Variants in GRM1 observed in about 807,000 individuals in gnomAD.
The protein encoded by GRM1 is glutamate metabotropic receptor 1.
GRM1 carries 33 observed loss-of-function variants against 90.9 expected under a neutral mutation model. The ratio of observed to expected loss-of-function variants is 0.36; its 90% CI spans 0.28 to 0.49. GRM1 has a LOEUF of 0.49. GRM1 is among the 20% of genes least tolerant of loss of function. The pLI is 0.99. For synonymous variants in GRM1, 700 were observed against 613.2 expected (o/e 1.14, Z -2.09); for missense variants, 1,190 against 1,534.3 (o/e 0.78, Z 3.75).
At chr6:146,286,880 C>T (rs759847658) in intron 2 of GRM1, among the ~76,000 whole-genome samples, 144 of 152,210 alleles carry the variant, frequency 9.5e-4, no homozygotes, top group Admixed American at 2.9e-3. Flanking sequence ...TAAACAACCT[C>T]AAGTGAAAAT....
At chr6:146,072,197 C>T (rs991024945) in intron 1 of GRM1, among the ~76,000 whole-genome samples, 3 of 152,040 alleles carry the variant, frequency 2.0e-5, no homozygotes, top group African/African-American at 4.8e-5. Flanking sequence ...AAGAATACAC[C>T]CTGAGCCCTG....
At chr6:146,207,985 C>T (rs1164084841) in intron 2 of GRM1, among the ~76,000 whole-genome samples, 3 of 152,136 alleles carry the variant, frequency 2.0e-5, no homozygotes, top group Admixed American at 6.6e-5. Flanking sequence ...CTCCTTTCCC[C>T]TCTTGCAAAA....
chr6:146,434,836 A>T lies in GRM1; in HGVS notation c.*40A>T. The T allele has an allele frequency of 6.6e-7, 1 of 1,512,508 alleles. No individual in the cohort carries two copies. The allele number at this position is 1,512,508 out of a possible 1,614,324, so 93.7% of individuals were successfully genotyped here. A position where few individuals can be genotyped will look rare whatever the true frequency, so the allele number is the denominator to read the frequency against. On this transcript the variant is annotated 3_prime_UTR_variant, in exon 8 of 8. Coordinates refer to ENST00000282753, the MANE Select transcript of GRM1 (RefSeq NM_001278064.2). ...CATAGAAAAGCAAGACAAGCCAGAG[A>T]TCTCCCACACCTCCAGAGATGTGCA...
intron 2 of GRM1, among the ~76,000 whole-genome samples, chr6:146,226,511 G>GT (rs1780244549): frequency 1.3e-5 from 2 of 152,106 alleles, no homozygotes; most frequent in Non-Finnish European, 2.9e-5. Flanking sequence ...TCTGTTGCTT[G>GT]CATATGAAAC....
rs1244975929 is a variant in GRM1, at chr6:146,267,641, CGCTGGGCTGGGCTGGGCTGG to C, written c.951-36946_951-36927del. Among the ~76,000 whole-genome samples, 69 of 54,730 alleles carry C rather than the reference CGCTGGGCTGGGCTGGGCTGG, an allele frequency of 1.3e-3. 1 individual carries two copies. The highest frequency in any genetic ancestry group is 6.9e-3 in the African/African-American group (57 of 8,260). The allele number at this position is 54,730 out of a possible 152,430, so 35.9% of individuals were successfully genotyped here. Reference sequence around the variant, plus strand: ...TGGGAGGCTGGGCTGGGCTGGGCTGCGCTGGGCTGGGCTGGGCTGGGCTGGGCTGGGCTGGGCTGGGCTCG... The same window carrying C: ...TGGGAGGCTGGGCTGGGCTGGGCTGCGCTGGGCTGGGCTGGGCTGGGCTCG... On this transcript the variant is annotated intron_variant, in intron 2 of 7. Transcript: ENST00000282753.
At chr6:146,328,079 T>C (rs1293498672) in intron 3 of GRM1, among the ~76,000 whole-genome samples, 2 of 152,136 alleles carry the variant, frequency 1.3e-5, no homozygotes, top group Non-Finnish European at 2.9e-5. Context: ...TGAAACATAT[T>C]TTCTTTAGCC....
At chr6:146,338,274 T>A (rs1480095306) in intron 3 of GRM1, among the ~76,000 whole-genome samples, 1 of 152,248 alleles carries the variant, frequency 6.6e-6, no homozygotes, top group Admixed American at 6.5e-5. Flanking sequence ...AATGGTGATA[T>A]AATCCAGGCT....
chr6:146,356,514 C>G (rs1301157487), intron 4 of GRM1, among the ~76,000 whole-genome samples: 1 of 152,104 alleles, frequency 6.6e-6, no homozygotes, highest in African/African-American at 2.4e-5. Context: ...GCCCTTCCTC[C>G]TAATACCATC....
At chr6:146,218,522 T>G (rs1779950716) in intron 2 of GRM1, among the ~76,000 whole-genome samples, 1 of 152,162 alleles carries the variant, frequency 6.6e-6, no homozygotes, top group African/African-American at 2.4e-5. Flanking sequence ...AAATGATACA[T>G]AAATAAGTGA....
At position 146,398,887 on chromosome 6, in the gene GRM1, G is replaced by T. The variant is rs1256751413; in HGVS notation, c.1848G>T (p.Leu616=). 2 of 1,613,742 alleles carry T rather than the reference G, an allele frequency of 1.2e-6. No homozygotes were observed. Among genetic ancestry groups the T allele is most frequent in the Non-Finnish European group, 1.7e-6 (2 of 1,179,798 alleles). The stretch of plus-strand genomic sequence containing the variant: ...TGTTTGTCACCCTAATCTTTGTACT[G>T]TACCGGGACACACCAGTGGTCAAAT... ...VTLFVTLIFV[L]YRDTPVVKSS... is the part of the protein sequence containing the mutation. The change falls in exon 7 of 8, where the codon CTG becomes CTT. Residue 616 remains leucine, a synonymous_variant. Coordinates refer to ENST00000282753, the MANE Select transcript of GRM1 (RefSeq NM_001278064.2).
At chr6:146,394,601 T>C (rs1018160287) in intron 6 of GRM1, among the ~76,000 whole-genome samples, 4 of 152,136 alleles carry the variant, frequency 2.6e-5, no homozygotes, top group Non-Finnish European at 4.4e-5. Context: ...CAAGGTTCCC[T>C]TTCATTTTTC....
chr6:146,258,029 T>C (rs1781552127), intron 2 of GRM1, among the ~76,000 whole-genome samples: 1 of 151,972 alleles, frequency 6.6e-6, no homozygotes, highest in South Asian at 2.1e-4. Flanking sequence ...ATACTTGTGG[T>C]TTTAGTAGCA....
intron 2 of GRM1, among the ~76,000 whole-genome samples, chr6:146,176,069 T>C (rs1244894592): frequency 6.6e-6 from 1 of 152,102 alleles, no homozygotes; most frequent in East Asian, 1.9e-4. Context: ...TTTAGCTAGC[T>C]TTTGAAACCC....
rs530096130 is a variant in GRM1, at chr6:146,209,068, T to C, written c.950+49471T>C. Among the ~76,000 whole-genome samples, 9 of 152,180 alleles carry C rather than the reference T, an allele frequency of 5.9e-5. No individual in the cohort carries two copies. The South Asian group carries it at 8.3e-4, about 14-fold the overall frequency. Reference sequence around the variant, plus strand: ...TATTCCTGACAGCAAACCTATAAATTAGTTATTATTAATATTTTAGACAAG... The same window carrying C: ...TATTCCTGACAGCAAACCTATAAATCAGTTATTATTAATATTTTAGACAAG... On this transcript the variant is annotated intron_variant, in intron 2 of 7. Transcript: ENST00000282753.
At chr6:146,375,230 GAGA>G (rs1776052468) in intron 5 of GRM1, among the ~76,000 whole-genome samples, 2 of 151,948 alleles carry the variant, frequency 1.3e-5, no homozygotes, top group African/African-American at 4.8e-5. Flanking sequence ...GTTGTGATCA[GAGA>G]AGATCCTTGA....
intron 1 of GRM1, among the ~76,000 whole-genome samples, chr6:146,074,069 A>G (rs780813496): frequency 2.6e-5 from 4 of 152,134 alleles, no homozygotes; most frequent in Non-Finnish European, 5.9e-5. Flanking sequence ...GATTTGTGGA[A>G]CAGCTATCCC....
chr6:146,054,205 T>G (rs1405738055), intron 1 of GRM1, among the ~76,000 whole-genome samples: 3 of 152,074 alleles, frequency 2.0e-5, no homozygotes, highest in South Asian at 2.1e-4. Flanking sequence ...GATGTTTGAT[T>G]TGTTCTGATT....
chr6:146,262,616 T>C (rs1202129005), intron 2 of GRM1, among the ~76,000 whole-genome samples: 1 of 151,972 alleles, frequency 6.6e-6, no homozygotes, highest in Non-Finnish European at 1.5e-5. Flanking sequence ...AACATGTATA[T>C]ATTATATTTT....
intron 7 of GRM1, among the ~76,000 whole-genome samples, chr6:146,415,330 A>T (rs1024440330): frequency 1.3e-5 from 2 of 152,184 alleles, no homozygotes; most frequent in South Asian, 4.1e-4. Flanking sequence ...TCCTAATATC[A>T]TCACACTGGG....
Sources: allele counts gnomAD v4.1 joint callset (sites outside exome capture counted in the v4.1 genomes callset), GRCh38; gene constraint gnomAD v4.1.1; transcripts MANE v1.5; gene names NCBI Gene and HGNC (gene_info 2026-07-23, HGNC 2026-07-21).